Variants in EYS observed in about 807,000 individuals in gnomAD.
EYS encodes protein eyes shut homolog.
A neutral mutation model predicts 282.1 loss-of-function variants in EYS; 250 were observed. The ratio of observed to expected loss-of-function variants is 0.89; its 90% confidence interval spans 0.80 to 0.98. The LOEUF is 0.98. Ranked by LOEUF, EYS falls within the 50% of genes least tolerant of loss-of-function variation. EYS has a pLI of 0.00. For synonymous variants in EYS, 1,355 were observed against 1,282.9 expected, an observed-to-expected ratio of 1.06 and a Z score of -1.20; for missense variants, 4,016 against 3,709.0, an observed-to-expected ratio of 1.08 and a Z score of -2.15.
chr6:64,591,766 C>T lies in EYS; in HGVS notation c.4101G>A (p.Ser1367=), dbSNP rs1358175561. ...DPAQIVQDKT[S]VSHMPIRTSA... is the part of the protein sequence containing the mutation. Reference sequence around the variant, plus strand: ...AAGTTCGAATAGGCATATGTGATACCGATGTTTTGTCCTGGACAATTTGTG... The same window carrying T: ...AAGTTCGAATAGGCATATGTGATACTGATGTTTTGTCCTGGACAATTTGTG... Residue 1367 remains serine, a synonymous_variant, in exon 26 of 43, where the codon TCG becomes TCA. Transcript: ENST00000503581. 1.2e-5 allele frequency: 18 copies of T among 1,551,102 alleles called. No homozygotes were observed. Among genetic ancestry groups the T allele is most frequent in the African/African-American group, 5.5e-5 (4 of 72,966 alleles).
chr6:64,467,621 C>G (rs1775967520), intron 26 of EYS, among the ~76,000 whole-genome samples: 1 of 152,176 alleles, frequency 6.6e-6, no homozygotes, highest in Admixed American at 6.5e-5. Context: ...ATTACCACCA[C>G]TGAAGACATC....
intron 34 of EYS, among the ~76,000 whole-genome samples, chr6:63,997,393 G>C (rs965320700): frequency 9.2e-5 from 14 of 152,144 alleles, no homozygotes; most frequent in African/African-American, 3.4e-4. Flanking sequence ...CCACAAGCGT[G>C]ACCAAATTGA....
intron 19 of EYS, among the ~76,000 whole-genome samples, chr6:64,833,173 T>C (rs1271860063): frequency 6.6e-6 from 1 of 151,938 alleles, no homozygotes; most frequent in Non-Finnish European, 1.5e-5. Context: ...TATATGTACA[T>C]CACAATCTTT....
At chr6:64,411,236 T>C (rs1277889797) in intron 28 of EYS, among the ~76,000 whole-genome samples, 1 of 152,018 alleles carries the variant, frequency 6.6e-6, no homozygotes, top group African/African-American at 2.4e-5. Flanking sequence ...TATTAGAAGT[T>C]AGAGAGAAAA....
intron 40 of EYS, among the ~76,000 whole-genome samples, chr6:63,768,561 A>T (rs534543026): frequency 6.6e-6 from 1 of 152,220 alleles, no homozygotes; most frequent in African/African-American, 2.4e-5. Flanking sequence ...GCTATTATAA[A>T]ATGTAAAAAA....
At chr6:65,258,317 C>T (rs1281629396) in intron 12 of EYS, among the ~76,000 whole-genome samples, 1 of 152,016 alleles carries the variant, frequency 6.6e-6, no homozygotes, top group Non-Finnish European at 1.5e-5. Flanking sequence ...GAAAGCAGCA[C>T]TTTCCATTCA....
intron 11 of EYS, among the ~76,000 whole-genome samples, chr6:65,326,295 A>G (rs1769618811): frequency 6.6e-6 from 1 of 151,908 alleles, no homozygotes; most frequent in African/African-American, 2.4e-5. Context: ...TTAGAAAGCG[A>G]TAGATTTATT....
At chr6:64,478,000 C>T (rs981898177) in intron 26 of EYS, among the ~76,000 whole-genome samples, 1 of 152,010 alleles carries the variant, frequency 6.6e-6, no homozygotes, top group Non-Finnish European at 1.5e-5. Flanking sequence ...ATCTCACTCC[C>T]AGCAAAAGCA....
chr6:65,330,322 A>C, intron 11 of EYS: 2 of 974,798 alleles, frequency 2.1e-6, no homozygotes, highest in Non-Finnish European at 2.4e-6. Flanking sequence ...TCTGGTAGCA[A>C]GTAGGGATTG....
chr6:63,923,895 G>A (rs1764642697), intron 35 of EYS, among the ~76,000 whole-genome samples: 1 of 152,082 alleles, frequency 6.6e-6, no homozygotes, highest in Admixed American at 6.6e-5. Context: ...TCTCCTTATA[G>A]ACTCTGGCTG....
chr6:63,829,311 A>T (rs1182846079), intron 36 of EYS, among the ~76,000 whole-genome samples: 1 of 152,172 alleles, frequency 6.6e-6, no homozygotes, highest in Non-Finnish European at 1.5e-5. Flanking sequence ...TCCCTTTCCC[A>T]GCAAAGGGAA....
At chr6:64,113,593 T>C (rs927562215) in intron 31 of EYS, among the ~76,000 whole-genome samples, 8 of 152,258 alleles carry the variant, frequency 5.3e-5, no homozygotes, top group Non-Finnish European at 4.4e-5. Flanking sequence ...GAACCCTCTA[T>C]TGTGTAAAAA....
chr6:63,738,654 G>A (rs1053559548), intron 41 of EYS, among the ~76,000 whole-genome samples: 3 of 150,996 alleles, frequency 2.0e-5, no homozygotes, highest in Admixed American at 2.0e-4. Context: ...GAGTTAATGG[G>A]TGCAGCACAC....
chr6:64,685,691 A>AT (rs1376414551), intron 22 of EYS, among the ~76,000 whole-genome samples: 5 of 152,102 alleles, frequency 3.3e-5, no homozygotes. Flanking sequence ...TGCTGCTGGC[A>AT]TTTTTTTCTT....
intron 30 of EYS, among the ~76,000 whole-genome samples, chr6:64,301,224 C>T (rs993822092): frequency 5.9e-5 from 9 of 152,158 alleles, no homozygotes; most frequent in South Asian, 2.1e-4. Context: ...ATTTACTAGG[C>T]GATATTAACT....
chr6:65,300,793 A>G (rs1180622393), intron 11 of EYS: 1 of 152,210 alleles, frequency 6.6e-6, no homozygotes, highest in African/African-American at 2.4e-5. Context: ...AGTCAGGGGA[A>G]GTGGCCTGAC....
chr6:63,838,286 G>A (rs1463303262), intron 36 of EYS, among the ~76,000 whole-genome samples: 2 of 151,870 alleles, frequency 1.3e-5, no homozygotes, highest in African/African-American at 2.4e-5. Flanking sequence ...AGCTGGAAGT[G>A]ATGTGTAATA....
intron 5 of EYS, 52 bp from the exon 6 acceptor site, chr6:65,405,419 G>T (rs1766695048): frequency 8.0e-7 from 1 of 1,244,634 alleles, no homozygotes; most frequent in Non-Finnish European, 1.2e-6. Context: ...AAGGAAAGAA[G>T]AAATGAGCAT....
rs555675592 is a variant in EYS, at chr6:64,069,610, T to C, written c.6572-3119A>G. On this transcript the variant is annotated intron_variant, in intron 32 of 42. Coordinates refer to ENST00000503581, the MANE Select transcript of EYS (RefSeq NM_001142800.2). ...GGCCAGCATTAATATTCAGTGAACA[T>C]CTGTAGATACAAAGATTGATATATG... Among the ~76,000 whole-genome samples, 38 of 152,196 alleles carry C rather than the reference T, an allele frequency of 2.5e-4. 1 individual carries two copies. In the South Asian group the frequency reaches 7.9e-3, roughly 31 times the overall value.
Sources: allele counts gnomAD v4.1 joint callset (sites outside exome capture counted in the v4.1 genomes callset), GRCh38; gene constraint gnomAD v4.1.1; transcripts MANE v1.5; gene names NCBI Gene and HGNC (gene_info 2026-07-23, HGNC 2026-07-21).